Variants in RBFOX3 observed in about 807,000 individuals in gnomAD.
RBFOX3 encodes the protein RNA binding fox-1 homolog 3, also known as RNA binding protein fox-1 homolog 3.
A neutral mutation model predicts 48.7 loss-of-function variants in RBFOX3; 17 were observed. The ratio of observed to expected loss-of-function variants is 0.35; its 90% CI spans 0.24 to 0.52. The LOEUF is 0.52. RBFOX3 is among the 20% of genes least tolerant of loss of function. The probability of loss-of-function intolerance (pLI) is 0.94; values close to 1 mark genes in which losing one functional copy is unlikely to be tolerated. For missense variants in RBFOX3, 382 were observed against 497.5 expected (o/e 0.77, Z 2.21); for synonymous variants, 212 against 209.5 (o/e 1.01, Z -0.10).
chr17:79,344,915 C>T (rs954049237), intron 2 of RBFOX3, among the ~76,000 whole-genome samples: 4 of 152,192 alleles, frequency 2.6e-5, no homozygotes, highest in African/African-American at 9.7e-5. Flanking sequence ...CATCAAAACT[C>T]TCTTATCAAG....
chr17:79,140,876 T>A (rs1313667982), intron 4 of RBFOX3, among the ~76,000 whole-genome samples: 2 of 152,318 alleles, frequency 1.3e-5, no homozygotes, highest in South Asian at 2.1e-4. Context: ...CGGAGCCAGA[T>A]GCCATGCTGA....
At chr17:79,217,981 G>A (rs757946001) in intron 4 of RBFOX3, among the ~76,000 whole-genome samples, 27 of 152,084 alleles carry the variant, frequency 1.8e-4, no homozygotes, top group African/African-American at 6.0e-4. Flanking sequence ...CGGGGCAGGC[G>A]GGGCTGGGGC....
intron 1 of RBFOX3, among the ~76,000 whole-genome samples, chr17:79,608,095 G>A (rs1016469401): frequency 6.6e-6 from 1 of 152,240 alleles, no homozygotes; most frequent in Non-Finnish European, 1.5e-5. Flanking sequence ...CCGTGTCAGA[G>A]GAGGGAGGGC....
intron 1 of RBFOX3, among the ~76,000 whole-genome samples, chr17:79,541,689 C>T (rs1321317187): frequency 6.6e-6 from 1 of 152,360 alleles, no homozygotes; most frequent in East Asian, 1.9e-4. Flanking sequence ...CAAGTCAGTT[C>T]TTCAGGCCCA....
Position 79,390,035 on chromosome 17 carries a change from GTAGCCTCCA to G in RBFOX3, c.-174-82220_-174-82212del, listed in dbSNP as rs1165267191. Among the ~76,000 whole-genome samples the G allele has an allele frequency of 7.7e-5, 10 of 129,750 alleles. No homozygotes were observed. Among genetic ancestry groups the G allele is most frequent in the East Asian group, 2.2e-4 (1 of 4,476 alleles). 85.1% of individuals were successfully genotyped at this position (129,750 alleles called of 152,430 possible). On this transcript the variant is annotated intron_variant, in intron 2 of 14. Transcript: ENST00000693108. The surrounding 1 kb of genome is among the most constrained non-coding windows in gnomAD (Gnocchi z 4.2). ...AGGTCTCCGCAGCCTCCAGGTCTCC[GTAGCCTCCA>G]GGTCTCCGCAGCCGCCGGGTCTCCG...
At chr17:79,177,419 G>C (rs1189602206) in intron 4 of RBFOX3, among the ~76,000 whole-genome samples, 5 of 152,242 alleles carry the variant, frequency 3.3e-5, no homozygotes, top group Non-Finnish European at 7.3e-5. Context: ...ACACCCCGCT[G>C]TGCCAGGCTG....
chr17:79,663,788 T>A, the RBFOX3 span, among the ~76,000 whole-genome samples: 1 of 141,662 alleles, frequency 7.1e-6, no homozygotes, highest in African/African-American at 2.8e-5. Context: ...ACGCAGTAAA[T>A]CTTGGGGCGG....
rs1272144353 is a variant in RBFOX3 at position 79,243,047 on chromosome 17, G to A, written c.-73-7242C>T. Among the ~76,000 whole-genome samples the A allele has an allele frequency of 6.0e-5, 9 of 149,978 alleles. No individual in the cohort carries two copies. In the Admixed American group the frequency reaches 6.0e-4, roughly 10 times the overall value. On this transcript the variant is annotated intron_variant, in intron 3 of 14. Coordinates refer to ENST00000693108, the MANE Select transcript of RBFOX3 (RefSeq NM_001350451.2). The surrounding 1 kb of genome is among the most constrained non-coding windows in gnomAD (Gnocchi z 7.9). ...CTGCTGGGGACTGTGTTTTTCTGGG[G>A]TTATGCCATTGATGATGTCATTTCA...
intron 2 of RBFOX3, among the ~76,000 whole-genome samples, chr17:79,396,973 C>T (rs565480878): frequency 1.8e-4 from 27 of 152,314 alleles, no homozygotes; most frequent in Middle Eastern, 3.4e-3. Context: ...CGGCAGGGAA[C>T]GCGCACCAGG....
chr17:79,497,092 G>A (rs921529530), intron 1 of RBFOX3, among the ~76,000 whole-genome samples: 9 of 152,160 alleles, frequency 5.9e-5, no homozygotes, highest in Non-Finnish European at 4.4e-5. Context: ...AGGTGGAAGC[G>A]GAAGTCCTGG....
At chr17:79,173,732 T>A (rs549695419) in intron 4 of RBFOX3, among the ~76,000 whole-genome samples, 1 of 152,224 alleles carries the variant, frequency 6.6e-6, no homozygotes, top group South Asian at 2.1e-4. Context: ...CACCCCTGGA[T>A]CTCAGACTTT....
chr17:79,476,819 A>T (rs2149431294), intron 2 of RBFOX3, among the ~76,000 whole-genome samples: 1 of 128,858 alleles, frequency 7.8e-6, no homozygotes, highest in East Asian at 2.1e-4. Flanking sequence ...GGTGGCGGGG[A>T]CAGAGAGAGA....
At chr17:79,132,470 G>A (rs556748553) in intron 4 of RBFOX3, among the ~76,000 whole-genome samples, 6 of 152,302 alleles carry the variant, frequency 3.9e-5, no homozygotes, top group South Asian at 4.1e-4. Flanking sequence ...CAGGCGCCAC[G>A]GGGGATCAGC....
intron 2 of RBFOX3, among the ~76,000 whole-genome samples, chr17:79,457,579 G>A (rs797028222): frequency 6.6e-6 from 1 of 152,042 alleles, no homozygotes; most frequent in African/African-American, 2.4e-5. Flanking sequence ...CTCCGTTTCC[G>A]GGGCAGTTGG....
At chr17:79,167,777 C>T (rs992642041) in intron 4 of RBFOX3, among the ~76,000 whole-genome samples, 9 of 152,230 alleles carry the variant, frequency 5.9e-5, no homozygotes, top group Admixed American at 5.2e-4. Context: ...GTCCAGGGCA[C>T]CCCGGAGCCG....
At position 79,212,497 on chromosome 17, in the gene RBFOX3, C is replaced by T. The variant is rs1017109779; in HGVS notation, c.-34+23269G>A. 5.3e-5 allele frequency among the ~76,000 whole-genome samples: 8 copies of T among 152,168 alleles called. No homozygotes were observed. The highest frequency in any genetic ancestry group is 1.9e-4 in the African/African-American group (8 of 41,450). On this transcript the variant is annotated intron_variant, in intron 4 of 14. Coordinates refer to ENST00000693108, the MANE Select transcript of RBFOX3 (RefSeq NM_001350451.2). This position sits in a 1 kb window ranked among gnomAD's most constrained non-coding sequence, Gnocchi z 4.7. ...TTAGGGGGTCGGGTCTCACCCTGGGCCCCCCAGTCCGCAACTCCTGACTCC... is the reference window on the plus strand; with the variant it reads ...TTAGGGGGTCGGGTCTCACCCTGGGTCCCCCAGTCCGCAACTCCTGACTCC...
intron 2 of RBFOX3, among the ~76,000 whole-genome samples, chr17:79,326,832 T>C (rs1171137047): frequency 6.6e-6 from 1 of 152,242 alleles, no homozygotes. Flanking sequence ...TTCTCCCATT[T>C]CTACAGGACT....
chr17:79,141,381 C>T (rs185821694), intron 4 of RBFOX3, among the ~76,000 whole-genome samples: 17 of 152,308 alleles, frequency 1.1e-4, no homozygotes, highest in African/African-American at 4.1e-4. Flanking sequence ...ACAGAGTTCA[C>T]ACAGGCAGAA....
intron 2 of RBFOX3, among the ~76,000 whole-genome samples, chr17:79,448,767 G>A (rs782525381): frequency 3.3e-5 from 5 of 152,172 alleles, no homozygotes; most frequent in Non-Finnish European, 7.3e-5. Flanking sequence ...GGAGCTCCCA[G>A]AGCAGGTTCA....
Sources: gnomAD v4.1 joint callset for allele counts (sites outside exome capture counted in the v4.1 genomes callset) on GRCh38, gnomAD v4.1.1 for gene constraint, Gnocchi (gnomAD v3.1) non-coding constraint, MANE v1.5 for transcripts, NCBI Gene and HGNC (gene_info 2026-07-23, HGNC 2026-07-21) for gene names.